Variants in MYO7A observed in about 807,000 individuals in gnomAD.
MYO7A encodes myosin VIIA, also known as unconventional myosin-VIIa.
In MYO7A, 210 loss-of-function variants were observed where a neutral mutation model predicts 263.8. The observed-to-expected ratio is 0.80, with a 90% CI of 0.71 to 0.89. The LOEUF is 0.89. Ranked by LOEUF, MYO7A falls within the 40% of genes least tolerant of loss-of-function variation. MYO7A has a pLI of 0.00. For synonymous variants in MYO7A, 1,239 were observed against 1,197.3 expected, an observed-to-expected ratio of 1.03 and a Z score of -0.72; for missense variants, 2,820 against 2,968.3, an observed-to-expected ratio of 0.95 and a Z score of 1.16.
rs1334323390 is a variant in MYO7A, at chr11:77,206,186, C to T, written c.5726C>T (p.Pro1909Leu). ...CAGATTTTCCACAAAGTCTACTTCC[C>T]TGATGACACTGACGAGGTGAGGGTC... is the stretch of plus-strand genomic sequence containing the variant. Reference protein sequence around the residue: ...TTQIFHKVYFPDDTDEAFEVE... With the variant: ...TTQIFHKVYFLDDTDEAFEVE... The change falls in exon 41 of 49, where the codon CCT (proline) becomes CTT (leucine). Residue 1909 changes from proline (P) to leucine (L), a missense_variant. Coordinates refer to ENST00000409709, the MANE Select transcript of MYO7A (RefSeq NM_000260.4). 1.2e-6 allele frequency: 2 copies of T among 1,612,362 alleles called. No homozygotes were observed. Among genetic ancestry groups the T allele is most frequent in the Admixed American group, 1.7e-5 (1 of 59,848 alleles).
At chr11:77,160,823 A>G in intron 11 of MYO7A, 150 bp from the exon 12 acceptor site, 1 of 840,846 alleles carries the variant, frequency 1.2e-6, no homozygotes, top group Non-Finnish European at 1.9e-6. Flanking sequence ...GTCTCCAGGC[A>G]GAGGGAACAG....
chr11:77,184,942 G>A, intron 27 of MYO7A: 1 of 790,678 alleles, frequency 1.3e-6, no homozygotes. Flanking sequence ...AGATATTGCA[G>A]GTTCAGTTGA....
chr11:77,212,672 G>T, intron 46 of MYO7A: 1 of 515,980 alleles, frequency 1.9e-6, no homozygotes, highest in East Asian at 3.4e-5. Flanking sequence ...TAGGTAGCTG[G>T]AGGCAGGTGC....
Position 77,162,218 on chromosome 11 carries a change from G to A in MYO7A, c.1442G>A (p.Ser481Asn). 1 of 1,583,250 alleles carries A rather than the reference G, an allele frequency of 6.3e-7. No homozygotes were observed. Among genetic ancestry groups the A allele is most frequent in the Non-Finnish European group, 8.6e-7 (1 of 1,163,970 alleles). ...GAGCAGGAGGAATATGACCTGGAGA[G>A]CATTGACTGGCTGCACATCGAGTTC... ...KLEQEEYDLE[S>N]IDWLHIEFTD... is the part of the protein sequence containing the mutation. The change falls in exon 13 of 49, where the codon AGC becomes AAC. Residue 481 changes from serine (S) to asparagine (N), a missense_variant. Ser to Asn is a conservative substitution (Grantham distance 46). Coordinates refer to ENST00000409709, the MANE Select transcript of MYO7A (RefSeq NM_000260.4).
intron 32 of MYO7A, among the ~76,000 whole-genome samples, chr11:77,196,435 A>G (rs886131203): frequency 2.6e-5 from 4 of 152,146 alleles, no homozygotes; most frequent in African/African-American, 7.2e-5. Context: ...GAGGACTTTA[A>G]TACGCAAATA....
chr11:77,202,188 TCCATA>T, intron 36 of MYO7A, 107 bp from the exon 37 acceptor site: 1 of 1,312,214 alleles, frequency 7.6e-7, no homozygotes. Flanking sequence ...GGGCATGGGG[TCCATA>T]CCCCTGAAGA....
rs2135713526 is a variant in MYO7A, at chr11:77,203,173, T to C, written c.5282T>C (p.Leu1761Pro). The C allele has an allele frequency of 6.4e-7, 1 of 1,552,082 alleles. No individual in the cohort carries two copies. Among genetic ancestry groups the C allele is most frequent in the East Asian group, 2.4e-5 (1 of 41,158 alleles). ...AAGCAGGCGCTGCTCAAGAAGCTCC[T>C]GGGCAGTGAGGAGCTCTCGCAGGAG... is the stretch of plus-strand genomic sequence containing the variant. ...PLKQALLKKL[L>P]GSEELSQEAC... The change falls in exon 38 of 49, where the codon CTG becomes CCG. Residue 1761 changes from leucine (L) to proline (P), a missense_variant. Transcript: ENST00000409709.
At chr11:77,197,846 T>C (rs1956779424) in intron 33 of MYO7A, among the ~76,000 whole-genome samples, 1 of 152,260 alleles carries the variant, frequency 6.6e-6, no homozygotes, top group Non-Finnish European at 1.5e-5. Context: ...ACCTCTTGCC[T>C]GCGGGATGCT....
chr11:77,207,242 T>G, intron 41 of MYO7A, 47 bp from the exon 42 acceptor site: 1 of 1,405,846 alleles, frequency 7.1e-7, no homozygotes, highest in Non-Finnish European at 9.9e-7. Context: ...GAGGACCAGG[T>G]CCCGGGAAAG....
intron 31 of MYO7A, among the ~76,000 whole-genome samples, chr11:77,193,688 C>T (rs1285489668): frequency 6.6e-6 from 1 of 152,146 alleles, no homozygotes; most frequent in Non-Finnish European, 1.5e-5. Flanking sequence ...TGGAAAATAT[C>T]TATTGCCTCC....
intron 30 of MYO7A, among the ~76,000 whole-genome samples, chr11:77,191,697 G>T (rs1028041075): frequency 1.3e-5 from 2 of 152,060 alleles, no homozygotes; most frequent in Non-Finnish European, 2.9e-5. Context: ...CAGCAGAGGG[G>T]CCCCCGCCCA....
In MYO7A at chr11:77,199,216, A is replaced by G. The variant is rs1956893836; in HGVS notation, c.4569-319A>G. On this transcript the variant is annotated intron_variant, in intron 34 of 48. Transcript: ENST00000409709. ...AGGCACACAGGATGCAGTAGTGACA[A>G]GATAGTCCTTGTCCTCTTGGATCTT... is the stretch of plus-strand genomic sequence containing the variant. Among the ~76,000 whole-genome samples the G allele has an allele frequency of 2.0e-5, 3 of 152,248 alleles. No homozygotes were observed. The South Asian group carries it at 6.2e-4, about 32-fold the overall frequency.
chr11:77,192,975 T>TGGCGATGGTGTTGTTGGTGATGGTGG (rs1956257874), intron 31 of MYO7A, among the ~76,000 whole-genome samples: 1 of 30,602 alleles, frequency 3.3e-5, no homozygotes, highest in African/African-American at 2.8e-4. Flanking sequence ...ATGGTGGAGG[T>TGGCGATGGTGTTGTTGGTGATGGTGG]AGTTGTGATG....
Position 77,161,006 on chromosome 11 carries a change from G to A in MYO7A, c.1234G>A (p.Asp412Asn). The A allele has an allele frequency of 8.1e-6, 13 of 1,612,202 alleles. No homozygotes were observed. Among genetic ancestry groups the A allele is most frequent in the Non-Finnish European group, 1.1e-5 (13 of 1,179,268 alleles). Residue 412 changes from aspartate (D) to asparagine (N), a missense_variant, in exon 12 of 49, where the codon GAC becomes AAC. Transcript: ENST00000409709. ...CGGGCGGCTGTTCGTGTGGATTGTG[G>A]ACAAGATCAACGCAGCAATTTACAA... The part of the protein sequence containing the change: ...IYGRLFVWIV[D>N]KINAAIYKPP...
At chr11:77,203,586 G>T (rs969254772) in intron 38 of MYO7A, among the ~76,000 whole-genome samples, 10 of 152,320 alleles carry the variant, frequency 6.6e-5, no homozygotes, top group African/African-American at 2.4e-4. Flanking sequence ...ACTTCCTGGA[G>T]GAAGTGGTAT....
chr11:77,200,463 A>G (rs1394433961), intron 35 of MYO7A, among the ~76,000 whole-genome samples: 4 of 152,088 alleles, frequency 2.6e-5, no homozygotes, highest in African/African-American at 9.7e-5. Flanking sequence ...GTGAGAACTC[A>G]CTCATTACCG....
intron 14 of MYO7A, among the ~76,000 whole-genome samples, chr11:77,165,498 A>G (rs1221589077): frequency 1.3e-5 from 2 of 152,174 alleles, no homozygotes; most frequent in Non-Finnish European, 2.9e-5. Flanking sequence ...AACTCTGCCC[A>G]TGGCTTACTG....
chr11:77,180,342 T>C, intron 21 of MYO7A, 32 bp from the exon 22 acceptor site: 1 of 1,589,016 alleles, frequency 6.3e-7, no homozygotes, highest in Non-Finnish European at 8.6e-7. Context: ...CTACACACAT[T>C]TCCATGCCCT....
intron 35 of MYO7A, among the ~76,000 whole-genome samples, chr11:77,200,728 A>C (rs188723177): frequency 6.6e-6 from 1 of 152,222 alleles, no homozygotes; most frequent in East Asian, 1.9e-4. Context: ...CCTGTGGGGA[A>C]CCTCTTCTCC....
Sources: gnomAD v4.1 joint callset for allele counts (sites outside exome capture counted in the v4.1 genomes callset) on GRCh38, gnomAD v4.1.1 for gene constraint, MANE v1.5 for transcripts, NCBI Gene and HGNC (gene_info 2026-07-23, HGNC 2026-07-21) for gene names.